The following MYO5A variants were observed in gnomAD, a reference collection of about 807,000 sequenced individuals.
MYO5A encodes the protein unconventional myosin-Va.
A neutral mutation model predicts 249.7 loss-of-function variants in MYO5A; 98 were observed. That is an observed-to-expected ratio of 0.39 (90% CI 0.33 to 0.46). MYO5A has a LOEUF of 0.46. Ranked by LOEUF, MYO5A falls within the 20% of genes least tolerant of loss-of-function variation. The probability of loss-of-function intolerance (pLI) is 0.98; values close to 1 mark genes in which losing one functional copy is unlikely to be tolerated. For missense variants in MYO5A, 1,696 were observed against 2,308.8 expected (o/e 0.73, Z 5.44); for synonymous variants, 778 against 810.6 (o/e 0.96, Z 0.68).
At chr15:52,437,390 T>C (rs1207181780) in intron 1 of MYO5A, among the ~76,000 whole-genome samples, 1 of 151,470 alleles carries the variant, frequency 6.6e-6, no homozygotes, top group Admixed American at 6.6e-5. Flanking sequence ...AGCTCAGGAG[T>C]TAGAGACCAG....
chr15:52,364,169 CG>C (rs2141061742), intron 24 of MYO5A, among the ~76,000 whole-genome samples: 1 of 151,504 alleles, frequency 6.6e-6, no homozygotes, highest in African/African-American at 2.4e-5. Flanking sequence ...ACCTGGGAGG[CG>C]GAGGTTGCAG....
chr15:52,365,618 G>A (rs1164348788), intron 23 of MYO5A, among the ~76,000 whole-genome samples: 1 of 152,190 alleles, frequency 6.6e-6, no homozygotes, highest in Admixed American at 6.5e-5. Flanking sequence ...AGCACGATGA[G>A]GCAAGGGCTA....
intron 1 of MYO5A, chr15:52,505,204 C>G: frequency 1.3e-5 from 10 of 769,968 alleles, no homozygotes; most frequent in South Asian, 1.1e-4. Context: ...TTTTGGAGAC[C>G]TGAAAAGCCC....
intron 11 of MYO5A, 21 bp downstream of exon 11, chr15:52,396,295 T>A: frequency 7.4e-7 from 1 of 1,360,146 alleles, no homozygotes; most frequent in Admixed American, 1.8e-5. Context: ...CAGAGTATTA[T>A]TCAAGGAAGA....
intron 12 of MYO5A, among the ~76,000 whole-genome samples, chr15:52,390,353 C>T (rs1303988793): frequency 4.6e-5 from 7 of 151,898 alleles, no homozygotes; most frequent in Non-Finnish European, 1.0e-4. Context: ...CATGCCTATA[C>T]CAAAATCTTA....
chr15:52,430,661 T>C (rs868807908), intron 2 of MYO5A, among the ~76,000 whole-genome samples: 14 of 152,220 alleles, frequency 9.2e-5, no homozygotes, highest in African/African-American at 3.4e-4. Flanking sequence ...ATTAAAGGTA[T>C]GTATCATTCT....
At chr15:52,319,500 G>A (rs1217010659) in intron 38 of MYO5A, among the ~76,000 whole-genome samples, 158 bp from the exon 39 acceptor site, 3 of 152,208 alleles carry the variant, frequency 2.0e-5, no homozygotes, top group African/African-American at 4.8e-5. Flanking sequence ...GGCCGCCGAG[G>A]TGGGTGGATC....
chr15:52,356,519 G>A (rs1293017312), intron 25 of MYO5A, among the ~76,000 whole-genome samples: 1 of 151,696 alleles, frequency 6.6e-6, no homozygotes, highest in Non-Finnish European at 1.5e-5. Context: ...TATATAGACA[G>A]GTGTGTCACC....
intron 1 of MYO5A, among the ~76,000 whole-genome samples, chr15:52,470,383 G>A (rs2076435911): frequency 6.6e-6 from 1 of 152,192 alleles, no homozygotes; most frequent in Non-Finnish European, 1.5e-5. Context: ...CAGGCGCAGT[G>A]GCTCACGCCT....
intron 1 of MYO5A, among the ~76,000 whole-genome samples, chr15:52,496,750 A>C (rs893910985): frequency 6.6e-6 from 1 of 152,212 alleles, no homozygotes; most frequent in Admixed American, 6.5e-5. Context: ...ATGACTCAAC[A>C]CTGAGAAAAG....
At chr15:52,329,124 T>C (rs1428307775) in intron 35 of MYO5A, 2 of 152,228 alleles carry the variant, frequency 1.3e-5, no homozygotes, top group Non-Finnish European at 2.9e-5. Context: ...TAGAAAATGC[T>C]TGGCACATGA....
At chr15:52,477,638 C>A (rs554324095) in intron 1 of MYO5A, among the ~76,000 whole-genome samples, 8 of 152,252 alleles carry the variant, frequency 5.3e-5, no homozygotes, top group African/African-American at 1.9e-4. Context: ...CAGTCAGGAC[C>A]CTCAGCTGCA....
intron 4 of MYO5A, among the ~76,000 whole-genome samples, chr15:52,419,489 C>T (rs1439996213): frequency 2.0e-5 from 3 of 152,160 alleles, no homozygotes; most frequent in Non-Finnish European, 4.4e-5. Flanking sequence ...CTGATTCCTA[C>T]TTTTAATTAG....
chr15:52,399,579 CTTTT>C (rs901233857), intron 9 of MYO5A, among the ~76,000 whole-genome samples: 1 of 151,548 alleles, frequency 6.6e-6, no homozygotes, highest in African/African-American at 2.4e-5. Flanking sequence ...CTTTTCTAAA[CTTTT>C]TTTTTCAAAC....
chr15:52,428,647 C>T (rs2075449937), intron 2 of MYO5A, 78 bp from the exon 3 acceptor site: 3 of 1,452,652 alleles, frequency 2.1e-6, no homozygotes, highest in Admixed American at 3.3e-5. Context: ...TTGCTTACTT[C>T]CTATTCCTGA....
chr15:52,388,614 C>T (rs1328915578), intron 13 of MYO5A, among the ~76,000 whole-genome samples: 1 of 152,140 alleles, frequency 6.6e-6, no homozygotes, highest in Non-Finnish European at 1.5e-5. Flanking sequence ...ATCACAGTCT[C>T]CTTGAAATAT....
chr15:52,466,176 C>G (rs2076348627), intron 1 of MYO5A, among the ~76,000 whole-genome samples: 1 of 152,168 alleles, frequency 6.6e-6, no homozygotes, highest in Admixed American at 6.5e-5. Flanking sequence ...ATTCTCTTTC[C>G]TAGCTCTTAC....
chr15:52,500,247 A>G (rs1475154178), intron 1 of MYO5A, among the ~76,000 whole-genome samples: 1 of 151,720 alleles, frequency 6.6e-6, no homozygotes, highest in Non-Finnish European at 1.5e-5. Context: ...CTAGATTTGC[A>G]TTTCCCTAAT....
intron 35 of MYO5A, among the ~76,000 whole-genome samples, chr15:52,328,835 C>T (rs1037383590): frequency 2.4e-4 from 36 of 152,276 alleles, no homozygotes; most frequent in African/African-American, 8.7e-4. Context: ...GTTAAACATG[C>T]CAGGTATGCT....
Sources: allele counts gnomAD v4.1 joint callset (sites outside exome capture counted in the v4.1 genomes callset), GRCh38; gene constraint gnomAD v4.1.1; transcripts MANE v1.5; gene names NCBI Gene and HGNC (gene_info 2026-07-23, HGNC 2026-07-21).